The following POPDC2 variants were observed in gnomAD, a reference collection of about 807,000 sequenced individuals.
The protein encoded by POPDC2 is popeye domain-containing protein 2.
POPDC2 carries 24 observed loss-of-function variants against 30.5 expected under a neutral mutation model. That is an observed-to-expected ratio of 0.79 (90% CI 0.57 to 1.11). The LOEUF is 1.11. Ranked by LOEUF, POPDC2 falls within the 50% of genes least tolerant of loss-of-function variation. POPDC2 has a pLI of 0.00. For missense variants in POPDC2, 409 were observed against 447.0 expected (o/e 0.91, Z 0.77); for synonymous variants, 185 against 183.3 (o/e 1.01, Z -0.07).
intron 1 of POPDC2, among the ~76,000 whole-genome samples, chr3:119,655,638 T>C (rs988384916): frequency 2.6e-5 from 4 of 152,240 alleles, no homozygotes; most frequent in Non-Finnish European, 4.4e-5. Context: ...CAGACTCTGC[T>C]AGACACTTTA....
At chr3:119,660,665 T>TCTCCTCCCCCCCA (rs1560100591), upstream of POPDC2, 3 of 132,466 alleles carry the variant, frequency 2.3e-5, no homozygotes, top group Admixed American at 1.3e-4. Flanking sequence ...TCCCCCCCTC[T>TCTCCTCCCCCCCA]CTCCTCCCCA....
At chr3:119,660,667 T>TCCCCCCCCCC (rs1553798110), upstream of POPDC2, 1 of 225,056 alleles carries the variant, frequency 4.4e-6, no homozygotes. Flanking sequence ...CCCCCCTCTC[T>TCCCCCCCCCC]CCTCCCCACC....
rs1269531482 is a variant in POPDC2, at chr3:119,642,080, GT to G, written c.*524del. On this transcript the variant is annotated 3_prime_UTR_variant, in exon 4 of 4. Transcript: ENST00000493094. ...GGAAAGGAGTTGAGTGATTTATTGA[GT>G]GCTTACTTGGTGCCACGGCATGTGC... The G allele has an allele frequency of 6.4e-6, 1 of 155,742 alleles. No individual in the cohort carries two copies. The highest frequency in any genetic ancestry group is 1.4e-5 in the Non-Finnish European group (1 of 69,924). The allele number at this position is 155,742 out of a possible 1,614,324, so 9.6% of individuals were successfully genotyped here.
intron 2 of POPDC2, among the ~76,000 whole-genome samples, chr3:119,650,649 C>T (rs2107817565): frequency 6.6e-6 from 1 of 152,314 alleles, no homozygotes; most frequent in East Asian, 1.9e-4. Flanking sequence ...CAACTCCTCA[C>T]CACTAAAGTA....
upstream of POPDC2, chr3:119,660,679 C>T (rs1478962932): frequency 3.7e-5 from 13 of 353,854 alleles, no homozygotes; most frequent in Non-Finnish European, 6.2e-5. Flanking sequence ...CTCCCCACCA[C>T]CCCCGCTGTC....
At chr3:119,645,065 C>T (rs182663655) in intron 3 of POPDC2, among the ~76,000 whole-genome samples, 3 of 152,318 alleles carry the variant, frequency 2.0e-5, no homozygotes, top group Admixed American at 2.0e-4. Flanking sequence ...AGTTTCCTTT[C>T]TCTCTATTGC....
chr3:119,660,660 C>T (rs1011850243), upstream of POPDC2: 220 of 296,576 alleles, frequency 7.4e-4, 2 homozygotes, highest in Middle Eastern at 3.3e-3. Flanking sequence ...CCCTCTCCCC[C>T]CCTCTCTCCT....
chr3:119,642,153 T>G lies in POPDC2; in HGVS notation c.*452A>C, dbSNP rs2052697338. ...TCATTGGATCCTCACAACAACCCTG[T>G]GAGGTGGGTTTCATAACCCCCACTG... On this transcript the variant is annotated 3_prime_UTR_variant, in exon 4 of 4. Transcript: ENST00000493094. 5.0e-6 allele frequency: 1 copy of G among 201,970 alleles called. No homozygotes were observed. Among genetic ancestry groups the G allele is most frequent in the African/African-American group, 2.3e-5 (1 of 43,908 alleles). 12.5% of individuals were successfully genotyped at this position (201,970 alleles called of 1,614,324 possible).
chr3:119,650,748 T>C (rs970981737), intron 2 of POPDC2, among the ~76,000 whole-genome samples: 13 of 152,214 alleles, frequency 8.5e-5, no homozygotes, highest in African/African-American at 3.1e-4. Flanking sequence ...TTAAATATCA[T>C]CTGCATACAA....
At chr3:119,656,803 C>G (rs1365599323) in intron 1 of POPDC2, among the ~76,000 whole-genome samples, 2 of 152,170 alleles carry the variant, frequency 1.3e-5, no homozygotes, top group Non-Finnish European at 2.9e-5. Context: ...CTAAGGTACA[C>G]CTTGTTCATT....
chr3:119,660,644 CTCT>C (rs1396147559), upstream of POPDC2: 22 of 334,022 alleles, frequency 6.6e-5, no homozygotes, highest in African/African-American at 2.8e-4. Context: ...CTCTCTCTCT[CTCT>C]CCCCCTCTCC....
chr3:119,658,980 T>G, intron 1 of POPDC2, among the ~76,000 whole-genome samples: 1 of 151,556 alleles, frequency 6.6e-6, no homozygotes, highest in African/African-American at 2.4e-5. Context: ...TTCTATCACA[T>G]TCTCCTGGTC....
intron 3 of POPDC2, among the ~76,000 whole-genome samples, chr3:119,645,300 C>T (rs1308202353): frequency 2.6e-5 from 4 of 152,200 alleles, no homozygotes; most frequent in African/African-American, 7.2e-5. Context: ...CAGTGGCTCA[C>T]GCCCGTAATC....
At chr3:119,648,747 C>G in intron 2 of POPDC2, 79 bp from the exon 3 acceptor site, 1 of 1,257,580 alleles carries the variant, frequency 8.0e-7, no homozygotes, top group Non-Finnish European at 1.1e-6. Context: ...CATTCAGTCA[C>G]TTGGCAAACA....
chr3:119,649,565 A>G lies in POPDC2; in HGVS notation c.601-897T>C, dbSNP rs186209676. 5.5e-4 allele frequency among the ~76,000 whole-genome samples: 83 copies of G among 152,282 alleles called. 1 individual carries two copies. Among genetic ancestry groups the G allele is most frequent in the Non-Finnish European group, 8.2e-4 (56 of 68,030 alleles). ...GGTGCAGAATCACACAATTTTTAAT[A>G]ATCTAATTGACCCTAATACTTTGGG... On this transcript the variant is annotated intron_variant, in intron 2 of 3. Coordinates refer to ENST00000493094, the MANE Select transcript of POPDC2 (RefSeq NM_001369919.2).
At chr3:119,650,886 A>G (rs2052799948) in intron 2 of POPDC2, among the ~76,000 whole-genome samples, 1 of 152,184 alleles carries the variant, frequency 6.6e-6, no homozygotes. Context: ...CAAACACTGA[A>G]CTTCCTAGTC....
At chr3:119,659,624 G>A (rs1232193708) in intron 1 of POPDC2, among the ~76,000 whole-genome samples, 1 of 152,216 alleles carries the variant, frequency 6.6e-6, no homozygotes, top group East Asian at 1.9e-4. Context: ...GTGTGGTGAT[G>A]GTAGAGGGGT....
At chr3:119,642,764 T>TA (rs2052705439) in intron 3 of POPDC2, among the ~76,000 whole-genome samples, 1 of 152,240 alleles carries the variant, frequency 6.6e-6, no homozygotes, top group Admixed American at 6.5e-5. Context: ...TGAAGGTATC[T>TA]AGCCCAATCC....
intron 3 of POPDC2, among the ~76,000 whole-genome samples, chr3:119,646,629 G>T (rs1332233872): frequency 6.6e-6 from 1 of 152,056 alleles, no homozygotes; most frequent in Non-Finnish European, 1.5e-5. Context: ...GACAGAGTGA[G>T]ACCCTGTCTC....
Sources: gnomAD v4.1 joint callset for allele counts (sites outside exome capture counted in the v4.1 genomes callset) on GRCh38, gnomAD v4.1.1 for gene constraint, MANE v1.5 for transcripts, NCBI Gene and HGNC (gene_info 2026-07-23, HGNC 2026-07-21) for gene names.